PHACTR2: variants seen among roughly 807,000 people sequenced by gnomAD.
PHACTR2 encodes phosphatase and actin regulator 2.
A neutral mutation model predicts 76.0 loss-of-function variants in PHACTR2; 30 were observed. The ratio of observed to expected loss-of-function variants is 0.39; its 90% CI spans 0.30 to 0.54. The LOEUF (loss-of-function observed/expected upper bound fraction) is 0.54. Ranked by LOEUF, PHACTR2 falls within the 20% of genes least tolerant of loss-of-function variation. The probability of loss-of-function intolerance (pLI) is 0.61; values close to 1 mark genes in which losing one functional copy is unlikely to be tolerated. For missense variants in PHACTR2, 696 were observed against 781.1 expected (o/e 0.89, Z 1.30); for synonymous variants, 292 against 292.5 (o/e 1.00, Z 0.02).
chr6:143,547,691 A>C lies in PHACTR2; in HGVS notation c.217+10484A>C, dbSNP rs1239850766. 1.3e-5 allele frequency among the ~76,000 whole-genome samples: 2 copies of C among 152,192 alleles called. No homozygotes were observed. Among genetic ancestry groups the C allele is most frequent in the African/African-American group, 2.4e-5 (1 of 41,446 alleles). Reference sequence around the variant, plus strand: ...AGACTCCCTTCTTCGAATGAAGGAAAAGGGGTTTGTTTGTCTATTTGTTAA... The same window carrying C: ...AGACTCCCTTCTTCGAATGAAGGAACAGGGGTTTGTTTGTCTATTTGTTAA... On this transcript the variant is annotated intron_variant, in intron 1 of 11. Coordinates refer to the PHACTR2 transcript ENST00000367584. This position sits in a 1 kb window ranked among gnomAD's most constrained non-coding sequence, Gnocchi z 4.2.
At position 143,695,231 on chromosome 6, in the gene PHACTR2, A is replaced by G. The variant is rs572832068; in HGVS notation, c.47-16785A>G. Among the ~76,000 whole-genome samples the G allele has an allele frequency of 3.9e-5, 6 of 152,326 alleles. No homozygotes were observed. The highest frequency in any genetic ancestry group is 2.1e-4 in the South Asian group (1 of 4,830). The stretch of plus-strand genomic sequence containing the variant: ...CTGATCCGAATCCAGATTATGATGG[A>G]TTGGGCATGGGGATCAGGGCATGCA... On this transcript the variant is annotated intron_variant, in intron 1 of 12. Coordinates refer to ENST00000440869, the MANE Select transcript of PHACTR2 (RefSeq NM_001100164.2). The surrounding 1 kb of genome is among the most constrained non-coding windows in gnomAD (Gnocchi z 4.4).
chr6:143,612,626 T>A lies in PHACTR2; in HGVS notation c.13+4304T>A, dbSNP rs147392381. On this transcript the variant is annotated intron_variant, in intron 1 of 11. Transcript: ENST00000305766. ...TGTTATATATACACACACACACACGTACATAATATGTACACATGCATTTGC... is the reference window on the plus strand; with the variant it reads ...TGTTATATATACACACACACACACGAACATAATATGTACACATGCATTTGC... Among the ~76,000 whole-genome samples the A allele has an allele frequency of 4.9e-3, 731 of 150,256 alleles. 3 individuals are homozygous for A. Among genetic ancestry groups the A allele is most frequent in the African/African-American group, 0.017 (677 of 40,916 alleles).
At chr6:143,620,846 T>C (rs949742537) in intron 1 of PHACTR2, among the ~76,000 whole-genome samples, 3 of 152,226 alleles carry the variant, frequency 2.0e-5, no homozygotes, top group African/African-American at 4.8e-5. Flanking sequence ...TGCCCTGGCC[T>C]CAAAGGCTGT....
intron 4 of PHACTR2, among the ~76,000 whole-genome samples, chr6:143,759,780 G>A (rs1396645015): frequency 6.6e-6 from 1 of 151,824 alleles, no homozygotes; most frequent in Non-Finnish European, 1.5e-5. Context: ...AGAAAATTTT[G>A]CTAGTAGAAG....
At chr6:143,555,984 A>G (rs1428837135) in intron 1 of PHACTR2, among the ~76,000 whole-genome samples, 8 of 151,626 alleles carry the variant, frequency 5.3e-5, no homozygotes, top group Non-Finnish European at 1.2e-4. Context: ...TTGCTATTTC[A>G]CAATTAATTT....
In PHACTR2 at chr6:143,765,184, A is replaced by G. The variant is rs1355831342; in HGVS notation, c.695-77A>G. On this transcript the variant is annotated intron_variant, in intron 5 of 12. Transcript: ENST00000440869. This position sits in a 1 kb window ranked among gnomAD's most constrained non-coding sequence, Gnocchi z 4.1. ...AAAGGGAACATTTTAAATGTTGTTG[A>G]CAGTTACACCTTGGTTACTTTATTT... 4.6e-6 allele frequency: 5 copies of G among 1,095,920 alleles called. No individual in the cohort carries two copies. The highest frequency in any genetic ancestry group is 6.6e-6 in the Non-Finnish European group (5 of 753,826). 67.9% of individuals were successfully genotyped at this position (1,095,920 alleles called of 1,614,324 possible).
Position 143,611,075 on chromosome 6 carries a change from G to A in PHACTR2, c.13+2753G>A, listed in dbSNP as rs547287742. ...ATGAACTGTGATAAGACATTCAGAG[G>A]CAAAGTTGATTGGTGTGTGTTTTTT... On this transcript the variant is annotated intron_variant, in intron 1 of 11. Coordinates refer to the PHACTR2 transcript ENST00000305766. This position sits in a 1 kb window ranked among gnomAD's most constrained non-coding sequence, Gnocchi z 4.4. Among the ~76,000 whole-genome samples, 1 of 152,124 alleles carries A rather than the reference G, an allele frequency of 6.6e-6. No homozygotes were observed. Among genetic ancestry groups the A allele is most frequent in the African/African-American group, 2.4e-5 (1 of 41,494 alleles).
intron 1 of PHACTR2, among the ~76,000 whole-genome samples, chr6:143,668,234 C>T (rs1443383703): frequency 3.3e-5 from 5 of 152,130 alleles, no homozygotes; most frequent in Non-Finnish European, 5.9e-5. Context: ...CCGACTTGAT[C>T]GTTGTGGATA....
At chr6:143,577,662 A>G (rs1775530008) in intron 1 of PHACTR2, among the ~76,000 whole-genome samples, 1 of 152,196 alleles carries the variant, frequency 6.6e-6, no homozygotes. Flanking sequence ...AAACTCAGAC[A>G]TTTGAACTAC....
Position 143,818,640 on chromosome 6 carries a change from G to C in PHACTR2, c.1923-5034G>C, listed in dbSNP as rs2128486520. On this transcript the variant is annotated intron_variant, in intron 12 of 12. Coordinates refer to ENST00000440869, the MANE Select transcript of PHACTR2 (RefSeq NM_001100164.2). This position sits in a 1 kb window ranked among gnomAD's most constrained non-coding sequence, Gnocchi z 4.9. ...TGGCTGGGGAGGTCTCAGGAAACCT[G>C]CAATCCTGGCAGAAGGCACCTCTTC... 6.6e-6 allele frequency among the ~76,000 whole-genome samples: 1 copy of C among 152,258 alleles called. No homozygotes were observed. Among genetic ancestry groups the C allele is most frequent in the Admixed American group, 6.5e-5 (1 of 15,288 alleles).
intron 11 of PHACTR2, among the ~76,000 whole-genome samples, chr6:143,802,647 C>CA (rs55737411): frequency 0.024 from 2,147 of 90,092 alleles, 79 homozygotes; most frequent in Admixed American, 0.041. Flanking sequence ...GACCCTGTCT[C>CA]AAAAAAAAAA....
At position 143,803,055 on chromosome 6, in the gene PHACTR2, A is replaced by G. The variant is rs1775993126; in HGVS notation, c.1846-4002A>G. The stretch of plus-strand genomic sequence containing the variant: ...ATGCAGATCTGAAGCAATTTTCCTG[A>G]TGACAGGGGCCCAGAAGCTCATATT... On this transcript the variant is annotated intron_variant, in intron 11 of 12. Coordinates refer to ENST00000440869, the MANE Select transcript of PHACTR2 (RefSeq NM_001100164.2). The surrounding 1 kb of genome is among the most constrained non-coding windows in gnomAD (Gnocchi z 4.7). Among the ~76,000 whole-genome samples, 1 of 152,150 alleles carries G rather than the reference A, an allele frequency of 6.6e-6. No individual in the cohort carries two copies. Among genetic ancestry groups the G allele is most frequent in the Non-Finnish European group, 1.5e-5 (1 of 68,012 alleles).
In PHACTR2 at chr6:143,789,662, A is replaced by G. The variant is rs995549160; in HGVS notation, c.1845+752A>G. On this transcript the variant is annotated intron_variant, in intron 11 of 12. Coordinates refer to ENST00000440869, the MANE Select transcript of PHACTR2 (RefSeq NM_001100164.2). This position sits in a 1 kb window ranked among gnomAD's most constrained non-coding sequence, Gnocchi z 5.1. ...ATCTGGTATTGAATAAACTCGTGCT[A>G]TACCCAGTTTTTTTTAATCATAAGT... Among the ~76,000 whole-genome samples the G allele has an allele frequency of 3.3e-5, 5 of 152,188 alleles. No individual in the cohort carries two copies. Among genetic ancestry groups the G allele is most frequent in the African/African-American group, 4.8e-5 (2 of 41,450 alleles).
rs1044274470 is a variant in PHACTR2 at position 143,696,081 on chromosome 6, C to T, written c.47-15935C>T. Among the ~76,000 whole-genome samples the T allele has an allele frequency of 2.0e-5, 3 of 152,170 alleles. No homozygotes were observed. The highest frequency in any genetic ancestry group is 4.8e-5 in the African/African-American group (2 of 41,444). ...GGTGCAAGCATAAAAATAAAAAATT[C>T]GCAATTTCCCAGCTGGTAGGAAATA... On this transcript the variant is annotated intron_variant, in intron 1 of 12. Coordinates refer to ENST00000440869, the MANE Select transcript of PHACTR2 (RefSeq NM_001100164.2). The surrounding 1 kb of genome is among the most constrained non-coding windows in gnomAD (Gnocchi z 4.1).
rs1778185029 is a variant in PHACTR2, at chr6:143,711,978, T to TTTACAACCTTTC, written c.47-36_47-25dup. 6 of 1,596,928 alleles carry TTTACAACCTTTC rather than the reference T, an allele frequency of 3.8e-6. No individual in the cohort carries two copies. The Admixed American group carries it at 1.0e-4, about 27-fold the overall frequency. On this transcript the variant is annotated intron_variant, in intron 1 of 12. Coordinates refer to ENST00000440869, the MANE Select transcript of PHACTR2 (RefSeq NM_001100164.2). ...ATGATGTGGTTTTATTACAACCTTT[T>TTTACAACCTTTC]TTACAACCTTTCTCTGTCTATATCT... is the stretch of plus-strand genomic sequence containing the variant.
intron 1 of PHACTR2, among the ~76,000 whole-genome samples, chr6:143,552,305 G>A (rs1400214543): frequency 6.6e-6 from 1 of 152,176 alleles, no homozygotes; most frequent in African/African-American, 2.4e-5. Flanking sequence ...TCTTCAGATT[G>A]CATCTGAAGG....
chr6:143,783,018 T>TGTGC lies in PHACTR2; in HGVS notation c.1646-198_1646-197insCGTG. 6.6e-6 allele frequency among the ~76,000 whole-genome samples: 1 copy of TGTGC among 151,352 alleles called. No homozygotes were observed. The highest frequency in any genetic ancestry group is 1.9e-4 in the East Asian group (1 of 5,162). ...TACAAAAAAAGCATGTGTGTGTGTG[T>TGTGC]GTGTGTGTGTGTGTGTGTATGTGTG... is the stretch of plus-strand genomic sequence containing the variant. On this transcript the variant is annotated intron_variant, in intron 9 of 12. Transcript: ENST00000440869. The surrounding 1 kb of genome is among the most constrained non-coding windows in gnomAD (Gnocchi z 5.2).
chr6:143,788,857 G>C lies in PHACTR2; in HGVS notation c.1792G>C (p.Asp598His). 6.2e-7 allele frequency: 1 copy of C among 1,613,816 alleles called. No homozygotes were observed. Among genetic ancestry groups the C allele is most frequent in the Non-Finnish European group, 8.5e-7 (1 of 1,179,754 alleles). Residue 598 changes from aspartate (D) to histidine (H), a missense_variant, in exon 11 of 13, where the codon GAC becomes CAC. Transcript: ENST00000440869. ...GTATGTAGAAGTCACGGATTCTCCT[G>C]ACTATGACCGCCGAGCAGACAAGCC... ...NEYVEVTDSP[D>H]YDRRADKPWA...
intron 1 of PHACTR2, among the ~76,000 whole-genome samples, chr6:143,638,594 CA>C (rs1776509851): frequency 2.0e-5 from 3 of 150,336 alleles, no homozygotes; most frequent in Non-Finnish European, 4.4e-5. Context: ...CACACACACA[CA>C]CACACCCAGC....
Sources: allele counts gnomAD v4.1 joint callset (sites outside exome capture counted in the v4.1 genomes callset), GRCh38; gene constraint gnomAD v4.1.1; non-coding constraint Gnocchi (gnomAD v3.1); transcripts MANE v1.5; gene names NCBI Gene and HGNC (gene_info 2026-07-23, HGNC 2026-07-21).